Variants in EVC2 observed in about 807,000 individuals in gnomAD.
EVC2 encodes the protein limbin.
Under a neutral mutation model 149.3 loss-of-function variants are expected in EVC2, and 148 were observed. That is an observed-to-expected ratio of 0.99 (90% CI 0.87 to 1.14). The LOEUF (loss-of-function observed/expected upper bound fraction) is 1.14. Ranked by LOEUF, EVC2 falls within the 50% of genes most tolerant of loss-of-function variation. The probability of loss-of-function intolerance (pLI) is 0.00; values close to 1 mark genes in which losing one functional copy is unlikely to be tolerated. For synonymous variants in EVC2, 776 were observed against 649.9 expected, an observed-to-expected ratio of 1.19 and a Z score of -2.95; for missense variants, 1,854 against 1,627.3, an observed-to-expected ratio of 1.14 and a Z score of -2.40.
intron 1 of EVC2, among the ~76,000 whole-genome samples, chr4:5,702,468 G>A (rs957922163): frequency 5.9e-5 from 9 of 152,220 alleles, no homozygotes; most frequent in African/African-American, 2.2e-4. Flanking sequence ...GAATGGCCCA[G>A]AGGCCTGGTC....
chr4:5,702,315 A>G (rs1382357260), intron 1 of EVC2, among the ~76,000 whole-genome samples: 1 of 152,214 alleles, frequency 6.6e-6, no homozygotes, highest in Non-Finnish European at 1.5e-5. Context: ...ACCACATAGT[A>G]ACATGATTCC....
At chr4:5,543,649 A>G (rs975630276) in intron 21 of EVC2, among the ~76,000 whole-genome samples, 1 of 152,194 alleles carries the variant, frequency 6.6e-6, no homozygotes, top group Non-Finnish European at 1.5e-5. Context: ...TTCCAGAAGG[A>G]GTTCCACACC....
chr4:5,581,881 C>T (rs1278126683), intron 17 of EVC2, among the ~76,000 whole-genome samples: 1 of 152,230 alleles, frequency 6.6e-6, no homozygotes, highest in Non-Finnish European at 1.5e-5. Flanking sequence ...TCAAAGGACC[C>T]CAGGTGCAGC....
chr4:5,626,027 C>T, intron 12 of EVC2, 119 bp from the exon 13 acceptor site: 1 of 1,250,100 alleles, frequency 8.0e-7, no homozygotes, highest in South Asian at 1.3e-5. Flanking sequence ...AAATCTTTAC[C>T]CTCCAGAAGA....
chr4:5,531,632 A>G, the EVC2 span, among the ~76,000 whole-genome samples: 9 of 152,090 alleles, frequency 5.9e-5, no homozygotes, highest in African/African-American at 2.2e-4. Flanking sequence ...CATGCGAGGG[A>G]TCTAGGTTGC....
Position 5,562,659 on chromosome 4 carries a change from G to A in EVC2, c.*189C>T. 1 of 1,458,386 alleles carries A rather than the reference G, an allele frequency of 6.9e-7. No homozygotes were observed. Among genetic ancestry groups the A allele is most frequent in the Non-Finnish European group, 9.0e-7 (1 of 1,111,770 alleles). 90.3% of individuals were successfully genotyped at this position (1,458,386 alleles called of 1,614,324 possible). On this transcript the variant is annotated 3_prime_UTR_variant, in exon 22 of 22. Coordinates refer to ENST00000344408, the MANE Select transcript of EVC2 (RefSeq NM_147127.5). This position sits in a 1 kb window ranked among gnomAD's most constrained non-coding sequence, Gnocchi z 4.3. Reference sequence around the variant, plus strand: ...ATGTCCTTGTGATATGGAAGAGAGTGGGCCATCTGGAAATTCATGAGACAA... The same window carrying A: ...ATGTCCTTGTGATATGGAAGAGAGTAGGCCATCTGGAAATTCATGAGACAA...
intron 9 of EVC2, among the ~76,000 whole-genome samples, chr4:5,644,676 A>T (rs1456616971): frequency 7.9e-5 from 12 of 152,158 alleles, no homozygotes; most frequent in Non-Finnish European, 1.8e-4. Flanking sequence ...TCCTTCGTCT[A>T]AACCTACCCC....
chr4:5,562,851 G>A lies in EVC2; in HGVS notation c.3924C>T (p.Asp1308=), dbSNP rs1277969148. 3.7e-6 allele frequency: 6 copies of A among 1,613,792 alleles called. No individual in the cohort carries two copies. In the African/African-American group the frequency reaches 5.3e-5, roughly 14 times the overall value. ...AKKAMRALGM[D] ...TCCCGCAGGTCTTTCCCTTGGGCTA[G>A]TCCATGCCCAAGGCCCTCATGGCCT... is the stretch of plus-strand genomic sequence containing the variant. The change falls in exon 22 of 22, where the codon GAC becomes GAT. Residue 1308 remains aspartate, a synonymous_variant. Coordinates refer to ENST00000344408, the MANE Select transcript of EVC2 (RefSeq NM_147127.5). This position sits in a 1 kb window ranked among gnomAD's most constrained non-coding sequence, Gnocchi z 4.3.
chr4:5,556,935 G>T (rs1721850918), intron 21 of EVC2, among the ~76,000 whole-genome samples: 2 of 151,892 alleles, frequency 1.3e-5, no homozygotes, highest in Admixed American at 1.3e-4. Flanking sequence ...TCTATAATTG[G>T]TACCCTTCCA....
At chr4:5,689,439 GGAA>G (rs1428543750) in intron 4 of EVC2, 96 bp from the exon 5 acceptor site, 25 of 1,207,470 alleles carry the variant, frequency 2.1e-5, no homozygotes, top group Non-Finnish European at 2.7e-5. Flanking sequence ...TAGGCATCCA[GGAA>G]GAAGGAGGGT....
In EVC2 at chr4:5,544,723, G is replaced by T. The variant is rs182884662; in HGVS notation, c.3420-1511C>A. Among the ~76,000 whole-genome samples the T allele has an allele frequency of 3.4e-3, 524 of 152,266 alleles. 3 individuals are homozygous for T. The highest frequency in any genetic ancestry group is 0.012 in the African/African-American group (494 of 41,546). ...ACAGAGAACTAAACAGAGAAGAGAGGGGGTGAGGAGTTACCAATACTGTGG... is the reference window on the plus strand; with the variant it reads ...ACAGAGAACTAAACAGAGAAGAGAGTGGGTGAGGAGTTACCAATACTGTGG... On this transcript the variant is annotated intron_variant and NMD_transcript_variant, in intron 21 of 22. Transcript: ENST00000475313.
chr4:5,595,184 C>T (rs1713268637), intron 16 of EVC2, among the ~76,000 whole-genome samples: 1 of 152,086 alleles, frequency 6.6e-6, no homozygotes, highest in Admixed American at 6.5e-5. Context: ...TCTAGCAAGG[C>T]AGGCCAACAT....
In EVC2 at chr4:5,708,544, C is replaced by A. The variant is rs755396030; in HGVS notation, c.-31G>T. The A allele has an allele frequency of 6.5e-6, 9 of 1,380,900 alleles. No individual in the cohort carries two copies. Among genetic ancestry groups the A allele is most frequent in the South Asian group, 1.6e-5 (1 of 64,392 alleles). The allele number at this position is 1,380,900 out of a possible 1,614,324, so 85.5% of individuals were successfully genotyped here. A position where few individuals can be genotyped will look rare whatever the true frequency, so the allele number is the denominator to read the frequency against. On this transcript the variant is annotated 5_prime_UTR_variant, in exon 1 of 22. Coordinates refer to ENST00000344408, the MANE Select transcript of EVC2 (RefSeq NM_147127.5). The stretch of plus-strand genomic sequence containing the variant: ...GTCGGGACCCGCTACCTCAAAGCGG[C>A]GGGTGCCGCCGAGTCGCTGGAGCTT...
intron 16 of EVC2, among the ~76,000 whole-genome samples, chr4:5,587,387 T>A (rs1577122126): frequency 2.0e-5 from 3 of 152,246 alleles, no homozygotes; most frequent in Non-Finnish European, 2.9e-5. Context: ...TCTGGCTTCT[T>A]TTACTTCGCA....
At chr4:5,687,016 G>GCCAA (rs1206358743) in intron 5 of EVC2, among the ~76,000 whole-genome samples, 2 of 152,122 alleles carry the variant, frequency 1.3e-5, no homozygotes, top group African/African-American at 4.8e-5. Flanking sequence ...TAGCACTTTG[G>GCCAA]GAGGCCAAGG....
At chr4:5,585,887 A>G (rs950772134) in intron 16 of EVC2, among the ~76,000 whole-genome samples, 1 of 152,048 alleles carries the variant, frequency 6.6e-6, no homozygotes, top group Admixed American at 6.5e-5. Context: ...TTTTAGACAC[A>G]GTCTCGCTCT....
Position 5,708,523 on chromosome 4 carries a change from G to C in EVC2, c.-10C>G. 1 of 1,448,464 alleles carries C rather than the reference G, an allele frequency of 6.9e-7. No homozygotes were observed. The highest frequency in any genetic ancestry group is 9.0e-7 in the Non-Finnish European group (1 of 1,107,998). The allele number at this position is 1,448,464 out of a possible 1,614,324, so 89.7% of individuals were successfully genotyped here. A position where few individuals can be genotyped will look rare whatever the true frequency, so the allele number is the denominator to read the frequency against. ...AGCCCGAGGGGTCCATCGCCTGTCG[G>C]GACCCGCTACCTCAAAGCGGCGGGT... On this transcript the variant is annotated 5_prime_UTR_variant, in exon 1 of 22. Coordinates refer to ENST00000344408, the MANE Select transcript of EVC2 (RefSeq NM_147127.5).
At chr4:5,579,442 C>T (rs546285955) in intron 17 of EVC2, among the ~76,000 whole-genome samples, 2 of 152,302 alleles carry the variant, frequency 1.3e-5, no homozygotes, top group South Asian at 4.1e-4. Flanking sequence ...GGTCTAGATA[C>T]ATCAGACTAG....
intron 7 of EVC2, among the ~76,000 whole-genome samples, chr4:5,669,460 C>G (rs1157019034): frequency 6.6e-6 from 1 of 152,240 alleles, no homozygotes; most frequent in Non-Finnish European, 1.5e-5. Context: ...GAGCTGGACA[C>G]TACTTACTGT....
Sources: allele counts gnomAD v4.1 joint callset (sites outside exome capture counted in the v4.1 genomes callset), GRCh38; gene constraint gnomAD v4.1.1; non-coding constraint Gnocchi (gnomAD v3.1); transcripts MANE v1.5; gene names NCBI Gene and HGNC (gene_info 2026-07-23, HGNC 2026-07-21).